CYP2U1: variants seen among roughly 807,000 people sequenced by gnomAD.
CYP2U1 encodes the protein cytochrome P450 2U1.
CYP2U1 carries 28 observed loss-of-function variants against 42.8 expected under a neutral mutation model. The ratio of observed to expected loss-of-function variants is 0.65; its 90% CI spans 0.48 to 0.90. CYP2U1 has a LOEUF of 0.90. CYP2U1 is among the 40% of genes least tolerant of loss of function. The pLI, the probability that CYP2U1 is intolerant of heterozygous loss-of-function variation, is 0.00. For missense variants in CYP2U1, 642 were observed against 693.8 expected, an observed-to-expected ratio of 0.93 and a Z score of 0.84; for synonymous variants, 296 against 278.9, an observed-to-expected ratio of 1.06 and a Z score of -0.61.
In CYP2U1 at chr4:107,932,104, C is replaced by T. The variant is rs1309758727; in HGVS notation, c.461C>T (p.Pro154Leu). 6 of 1,601,562 alleles carry T rather than the reference C, an allele frequency of 3.7e-6. No homozygotes were observed. Among genetic ancestry groups the T allele is most frequent in the Non-Finnish European group, 5.1e-6 (6 of 1,175,172 alleles). ...GTCTTCAGCGACCGCCCGCGGGTGC[C>T]GCTCATCTCCATCGTGACCAAGGAG... ...AEVFSDRPRV[P>L]LISIVTKEKG... is the part of the protein sequence containing the mutation. The change falls in exon 1 of 5, where the codon CCG becomes CTG. Residue 154 changes from proline to leucine, a missense_variant. Coordinates refer to ENST00000332884, the MANE Select transcript of CYP2U1 (RefSeq NM_183075.3).
intron 1 of CYP2U1, among the ~76,000 whole-genome samples, chr4:107,932,468 C>T (rs1733051364): frequency 6.6e-6 from 1 of 152,220 alleles, no homozygotes; most frequent in South Asian, 2.1e-4. Flanking sequence ...CTTCCACCAG[C>T]TGTGACCTCG....
At chr4:107,934,760 T>C (rs1733198597) in intron 1 of CYP2U1, among the ~76,000 whole-genome samples, 1 of 152,252 alleles carries the variant, frequency 6.6e-6, no homozygotes, top group Non-Finnish European at 1.5e-5. Context: ...CAAGGTACGA[T>C]GTTTGTCTTC....
Position 107,949,458 on chromosome 4 carries a change from G to T in CYP2U1, c.1397G>T (p.Arg466Leu). The change falls in exon 4 of 5, where the codon CGA becomes CTA. Residue 466 changes from arginine (R) to leucine (L), a missense_variant. By Grantham distance (102) the Arg-to-Leu change is moderately radical (BLOSUM62 -2). Transcript: ENST00000332884. ...WEKPEDFYPN[R>L]FLDDQGQLIK... Reference sequence around the variant, plus strand: ...AAACCGGAGGATTTCTACCCTAATCGATTTCTGGATGACCAAGGACAACTA... The same window carrying T: ...AAACCGGAGGATTTCTACCCTAATCTATTTCTGGATGACCAAGGACAACTA... The T allele has an allele frequency of 6.2e-7, 1 of 1,609,756 alleles. No individual in the cohort carries two copies. The highest frequency in any genetic ancestry group is 8.5e-7 in the Non-Finnish European group (1 of 1,177,560).
rs147256952 is a variant in CYP2U1, at chr4:107,945,118, C to T, written c.639C>T (p.His213=). The change falls in exon 2 of 5, where the codon CAC becomes CAT. Residue 213 remains histidine (H), a synonymous_variant. Coordinates refer to ENST00000332884, the MANE Select transcript of CYP2U1 (RefSeq NM_183075.3). ...FKYVKAEMQK[H]GEDPFCPFSI... The stretch of plus-strand genomic sequence containing the variant: ...ATGTGAAAGCAGAAATGCAAAAGCA[C>T]GGAGAAGACCCCTTCTGCCCTTTCT... 377 of 1,613,792 alleles carry T rather than the reference C, an allele frequency of 2.3e-4. No individual in the cohort carries two copies. Among genetic ancestry groups the T allele is most frequent in the Admixed American group, 4.2e-4 (25 of 59,942 alleles).
At chr4:107,936,536 T>G (rs1349895193) in intron 1 of CYP2U1, 1 of 153,706 alleles carries the variant, frequency 6.5e-6, no homozygotes, top group Non-Finnish European at 1.4e-5. Flanking sequence ...CCTTGCCAGA[T>G]GCCAGTGCTA....
Position 107,945,094 on chromosome 4 carries a change from T to C in CYP2U1, c.615T>C (p.Tyr205=). 1.2e-6 allele frequency: 2 copies of C among 1,613,904 alleles called. No homozygotes were observed. Among genetic ancestry groups the C allele is most frequent in the African/African-American group, 1.3e-5 (1 of 74,976 alleles). ...LEPKIIEEFK[Y]VKAEMQKHGE... is the part of the protein sequence containing the mutation. ...CCAAGATTATTGAGGAGTTCAAATA[T>C]GTGAAAGCAGAAATGCAAAAGCACG... Residue 205 remains tyrosine (Y), a synonymous_variant, in exon 2 of 5, where the codon TAT becomes TAC. Transcript: ENST00000332884.
At chr4:107,932,274 T>C (rs959857983) in intron 1 of CYP2U1, 141 bp downstream of exon 1, 4 of 1,381,136 alleles carry the variant, frequency 2.9e-6, no homozygotes, top group Non-Finnish European at 3.8e-6. Flanking sequence ...TAACAGGTGA[T>C]GGTGGTGGCG....
rs767302883 is a variant in CYP2U1, at chr4:107,949,382, T to C, written c.1321T>C (p.Leu441=). The C allele has an allele frequency of 1.3e-6, 2 of 1,590,062 alleles. No individual in the cohort carries two copies. Among genetic ancestry groups the C allele is most frequent in the Non-Finnish European group, 1.7e-6 (2 of 1,168,378 alleles). Reference sequence around the variant, plus strand: ...AGGGTATACCATTCCTAAAGGCACATTGATCTTACCCAACCTGTGGTCAGT... The same window carrying C: ...AGGGTATACCATTCCTAAAGGCACACTGATCTTACCCAACCTGTGGTCAGT... ...LQGYTIPKGT[L]ILPNLWSVHR... The change falls in exon 4 of 5, where the codon TTG becomes CTG. Residue 441 remains leucine, a synonymous_variant. Coordinates refer to ENST00000332884, the MANE Select transcript of CYP2U1 (RefSeq NM_183075.3).
intron 1 of CYP2U1, among the ~76,000 whole-genome samples, chr4:107,934,263 G>A (rs888325295): frequency 1.3e-5 from 2 of 149,640 alleles, no homozygotes; most frequent in African/African-American, 5.0e-5. Context: ...TCCCTACCCT[G>A]CAGAAGGAGA....
intron 1 of CYP2U1, chr4:107,935,472 G>C (rs1270364705): frequency 6.6e-6 from 1 of 152,128 alleles, no homozygotes; most frequent in East Asian, 1.9e-4. Flanking sequence ...TAGAGAAGGT[G>C]TTGACAAGAT....
Position 107,931,742 on chromosome 4 carries a change from C to G in CYP2U1, c.99C>G (p.Ser33Arg). The change falls in exon 1 of 5, where the codon AGC (serine) becomes AGG (arginine). Residue 33 changes from serine (S) to arginine (R), a missense_variant. Ser to Arg is a moderately radical substitution (Grantham distance 110). Coordinates refer to ENST00000332884, the MANE Select transcript of CYP2U1 (RefSeq NM_183075.3). ...TGGGGCTGCTGCGGCTGGACCCCAGCGGGGGCGCGCTGCTGCTATGCGGCC... is the reference window on the plus strand; with the variant it reads ...TGGGGCTGCTGCGGCTGGACCCCAGGGGGGGCGCGCTGCTGCTATGCGGCC... ...APLGLLRLDP[S>R]GGALLLCGLV... 7.0e-7 allele frequency: 1 copy of G among 1,421,982 alleles called. No individual in the cohort carries two copies. The highest frequency in any genetic ancestry group is 1.5e-5 in the South Asian group (1 of 65,684). The allele number at this position is 1,421,982 out of a possible 1,614,324, so 88.1% of individuals were successfully genotyped here.
intron 1 of CYP2U1, 32 bp from the exon 2 acceptor site, chr4:107,944,938 T>C: frequency 1.3e-6 from 2 of 1,565,482 alleles, no homozygotes; most frequent in Non-Finnish European, 8.6e-7. Context: ...GAATACTGTT[T>C]CTCATCTTCC....
At position 107,945,516 on chromosome 4, in the gene CYP2U1, T is replaced by C. The variant is rs759870253; in HGVS notation, c.1037T>C (p.Ile346Thr). ...GATGAAGAGTACTTATTTTATATCA[T>C]TGGGGATCTCTTTATTGCTGGGACT... ...SFDEEYLFYIIGDLFIAGTDT... is the reference protein window; with the variant it reads ...SFDEEYLFYITGDLFIAGTDT... Residue 346 changes from isoleucine to threonine, a missense_variant, in exon 2 of 5, where the codon ATT becomes ACT. Transcript: ENST00000332884. 6.2e-7 allele frequency: 1 copy of C among 1,613,986 alleles called. No individual in the cohort carries two copies. The highest frequency in any genetic ancestry group is 8.5e-7 in the Non-Finnish European group (1 of 1,179,958).
intron 1 of CYP2U1, chr4:107,937,807 T>A: frequency 6.6e-6 from 1 of 152,070 alleles, no homozygotes; most frequent in East Asian, 1.9e-4. Context: ...GCCTGGCCCA[T>A]GTACATGTAT....
chr4:107,941,905 A>G (rs756725960), intron 1 of CYP2U1, among the ~76,000 whole-genome samples: 4 of 152,230 alleles, frequency 2.6e-5, no homozygotes, highest in Non-Finnish European at 4.4e-5. Flanking sequence ...CAGCATGAGA[A>G]AGGAAACTTA....
At chr4:107,944,371 TAGTGGACTGCAG>T (rs1733605326) in intron 1 of CYP2U1, among the ~76,000 whole-genome samples, 1 of 152,092 alleles carries the variant, frequency 6.6e-6, no homozygotes, top group Non-Finnish European at 1.5e-5. Flanking sequence ...GGCATGATCA[TAGTGGACTGCAG>T]CATCCAACTC....
chr4:107,944,413 C>T lies in CYP2U1; in HGVS notation c.491-557C>T, dbSNP rs143716667. The stretch of plus-strand genomic sequence containing the variant: ...CAACTCCTGGGCTCAAGTGATTCTC[C>T]GACCTTAGCCTCTTGAGTACCTGGG... On this transcript the variant is annotated intron_variant, in intron 1 of 4. Transcript: ENST00000332884. Among the ~76,000 whole-genome samples the T allele has an allele frequency of 2.4e-3, 364 of 151,988 alleles. 1 individual carries two copies. Among genetic ancestry groups the T allele is most frequent in the African/African-American group, 8.3e-3 (344 of 41,456 alleles).
rs535692203 is a variant in CYP2U1, at chr4:107,931,703, C to T, written c.60C>T (p.Leu20=). Residue 20 remains leucine (L), a synonymous_variant, in exon 1 of 5, where the codon CTC becomes CTT. Transcript: ENST00000332884. ...AGGACCCGCCCTGGCCCGCGCGCCT[C>T]CTGCGTGCGCCTCTGGGGCTGCTGC... The part of the protein sequence containing the change: ...PAEDPPWPAR[L]LRAPLGLLRL... 388 of 1,348,056 alleles carry T rather than the reference C, an allele frequency of 2.9e-4. 2 individuals carry two copies. The African/African-American group carries it at 5.5e-3, about 19-fold the overall frequency. 83.5% of individuals were successfully genotyped at this position (1,348,056 alleles called of 1,614,324 possible).
In CYP2U1 at chr4:107,950,642, G is replaced by A. The variant is rs1307244260; in HGVS notation, c.*219G>A. On this transcript the variant is annotated 3_prime_UTR_variant, in exon 5 of 5. Coordinates refer to ENST00000332884, the MANE Select transcript of CYP2U1 (RefSeq NM_183075.3). ...AGTAATGCAGGTCTGTGATTTGGGG[G>A]ATAGAAAACAAAGTACCTATGAAAC... 1 of 408,836 alleles carries A rather than the reference G, an allele frequency of 2.4e-6. No individual in the cohort carries two copies. 25.3% of individuals were successfully genotyped at this position (408,836 alleles called of 1,614,324 possible). A position where few individuals can be genotyped will look rare whatever the true frequency, so the allele number is the denominator to read the frequency against.
Sources: gnomAD v4.1 joint callset for allele counts (sites outside exome capture counted in the v4.1 genomes callset) on GRCh38, gnomAD v4.1.1 for gene constraint, MANE v1.5 for transcripts, NCBI Gene and HGNC (gene_info 2026-07-23, HGNC 2026-07-21) for gene names.